FOXK1: variants seen among roughly 807,000 people sequenced by gnomAD.
FOXK1 encodes the protein forkhead box K1.
A neutral mutation model predicts 51.9 loss-of-function variants in FOXK1; 19 were observed. The ratio of observed to expected loss-of-function variants is 0.37; its 90% CI spans 0.26 to 0.54. The LOEUF (loss-of-function observed/expected upper bound fraction) is 0.54, where lower values mean the gene tolerates loss of function less well. Among genes scored for constraint, FOXK1 ranks in the 20% least tolerant of loss-of-function variants. The probability of loss-of-function intolerance (pLI) is 0.87; values close to 1 mark genes in which losing one functional copy is unlikely to be tolerated. For missense variants in FOXK1, 870 were observed against 1,032.7 expected (o/e 0.84, Z 2.16); for synonymous variants, 537 against 482.6 (o/e 1.11, Z -1.48).
rs761042683 is a variant in FOXK1, at chr7:4,709,184, G to A, written c.560+26316G>A. Among the ~76,000 whole-genome samples the A allele has an allele frequency of 2.2e-4, 34 of 152,166 alleles. No individual in the cohort carries two copies. The highest frequency in any genetic ancestry group is 6.2e-4 in the South Asian group (3 of 4,808). On this transcript the variant is annotated intron_variant, in intron 1 of 8. Transcript: ENST00000328914. This position sits in a 1 kb window ranked among gnomAD's most constrained non-coding sequence, Gnocchi z 5.6. ...CTGTTGCTGTGCACACTGGGGGCCCGAGGCCCCAGGATACCCCCGTGCCTT... is the reference window on the plus strand; with the variant it reads ...CTGTTGCTGTGCACACTGGGGGCCCAAGGCCCCAGGATACCCCCGTGCCTT...
In FOXK1 at chr7:4,729,915, G is replaced by A. The variant is rs554741787; in HGVS notation, c.561-10923G>A. Among the ~76,000 whole-genome samples the A allele has an allele frequency of 2.0e-5, 3 of 152,208 alleles. No homozygotes were observed. Among genetic ancestry groups the A allele is most frequent in the African/African-American group, 4.8e-5 (2 of 41,528 alleles). On this transcript the variant is annotated intron_variant, in intron 1 of 8. Transcript: ENST00000328914. This position sits in a 1 kb window ranked among gnomAD's most constrained non-coding sequence, Gnocchi z 6.2. ...TGAGGCAGGAGAATCGCTTGAACCC[G>A]GAAGGTGGAGTTTGCAGTGAGCTGA...
rs967330424 is a variant in FOXK1, at chr7:4,683,565, C to T, written c.560+697C>T. Among the ~76,000 whole-genome samples, 2 of 151,814 alleles carry T rather than the reference C, an allele frequency of 1.3e-5. No homozygotes were observed. Among genetic ancestry groups the T allele is most frequent in the African/African-American group, 2.4e-5 (1 of 41,308 alleles). On this transcript the variant is annotated intron_variant, in intron 1 of 8. Coordinates refer to ENST00000328914, the MANE Select transcript of FOXK1 (RefSeq NM_001037165.2). This position sits in a 1 kb window ranked among gnomAD's most constrained non-coding sequence, Gnocchi z 4.5. ...GCCTGGGCCTGGGGATCACCCTCAA[C>T]CCTTCCAGGTCACCCTGGACCCCCA...
chr7:4,754,061 C>G (rs925407085), intron 2 of FOXK1, among the ~76,000 whole-genome samples: 2 of 152,208 alleles, frequency 1.3e-5, no homozygotes, highest in African/African-American at 2.4e-5. Context: ...TCCCACAGCG[C>G]CGCCTTGTGG....
At position 4,703,564 on chromosome 7, in the gene FOXK1, A is replaced by G. The variant is rs1274805167; in HGVS notation, c.560+20696A>G. ...TTGAAGGTGCCCAGGAGACTTGGGT[A>G]CATTTTGCTCATCTTAGGGTTGGGG... On this transcript the variant is annotated intron_variant, in intron 1 of 8. Transcript: ENST00000328914. The surrounding 1 kb of genome is among the most constrained non-coding windows in gnomAD (Gnocchi z 5.6). Among the ~76,000 whole-genome samples the G allele has an allele frequency of 2.6e-5, 4 of 152,218 alleles. No individual in the cohort carries two copies. The South Asian group carries it at 6.2e-4, about 24-fold the overall frequency.
chr7:4,699,044 G>C (rs1779986874), intron 1 of FOXK1, among the ~76,000 whole-genome samples: 1 of 152,222 alleles, frequency 6.6e-6, no homozygotes, highest in African/African-American at 2.4e-5. Flanking sequence ...TTTGTCGCTT[G>C]CTGGGGCTCC....
rs1780855317 is a variant in FOXK1 at position 4,756,567 on chromosome 7, G to A, written c.1051-427G>A. 6.6e-6 allele frequency among the ~76,000 whole-genome samples: 1 copy of A among 151,682 alleles called. No individual in the cohort carries two copies. The highest frequency in any genetic ancestry group is 2.4e-5 in the African/African-American group (1 of 41,314). ...TTGGGAGGCCGAGGTGGAAGGATTG[G>A]TTAAGCCCAAGAGTGTGAGACCCCA... On this transcript the variant is annotated intron_variant, in intron 4 of 8. Transcript: ENST00000328914. This position sits in a 1 kb window ranked among gnomAD's most constrained non-coding sequence, Gnocchi z 4.1.
In FOXK1 at chr7:4,715,451, T is replaced by C. The variant is rs1435461652; in HGVS notation, c.561-25387T>C. 2.6e-5 allele frequency among the ~76,000 whole-genome samples: 4 copies of C among 152,068 alleles called. No homozygotes were observed. Among genetic ancestry groups the C allele is most frequent in the Non-Finnish European group, 5.9e-5 (4 of 67,982 alleles). ...CATCCTTGCCCTGCCTCCCTCCTTC[T>C]AGGGGGTTGGCTGGAACTCGGGCCC... On this transcript the variant is annotated intron_variant, in intron 1 of 8. Transcript: ENST00000328914. This position sits in a 1 kb window ranked among gnomAD's most constrained non-coding sequence, Gnocchi z 4.5.
At chr7:4,701,353 TAAG>T (rs1562371111) in intron 1 of FOXK1, among the ~76,000 whole-genome samples, 2 of 152,160 alleles carry the variant, frequency 1.3e-5, no homozygotes, top group Admixed American at 6.6e-5. Context: ...GACACTGAGA[TAAG>T]AAGGTTTGAT....
rs1028681583 is a variant in FOXK1 at position 4,748,548 on chromosome 7, A to G, written c.747-5911A>G. On this transcript the variant is annotated intron_variant, in intron 2 of 8. Coordinates refer to ENST00000328914, the MANE Select transcript of FOXK1 (RefSeq NM_001037165.2). This position sits in a 1 kb window ranked among gnomAD's most constrained non-coding sequence, Gnocchi z 4.9. Reference sequence around the variant, plus strand: ...GCCTTCCTCTGGGGCCCCTCTGACCATGGGATCATCTTCTCCACCATCCTG... The same window carrying G: ...GCCTTCCTCTGGGGCCCCTCTGACCGTGGGATCATCTTCTCCACCATCCTG... Among the ~76,000 whole-genome samples the G allele has an allele frequency of 2.0e-5, 3 of 151,952 alleles. No individual in the cohort carries two copies. The highest frequency in any genetic ancestry group is 7.3e-5 in the African/African-American group (3 of 41,352).
intron 1 of FOXK1, among the ~76,000 whole-genome samples, chr7:4,706,366 TTAG>T (rs60744172): frequency 0.03 from 4,619 of 152,152 alleles, 221 homozygotes; most frequent in African/African-American, 0.11. Flanking sequence ...GCACCCTAAG[TTAG>T]GAGTTTATAT....
At chr7:4,694,068 T>A (rs1313516040) in intron 1 of FOXK1, among the ~76,000 whole-genome samples, 2 of 151,182 alleles carry the variant, frequency 1.3e-5, no homozygotes, top group East Asian at 3.9e-4. Context: ...TTATTTTTTA[T>A]AGAGACCAGT....
At position 4,709,199 on chromosome 7, in the gene FOXK1, C is replaced by T. The variant is rs74497319; in HGVS notation, c.560+26331C>T. 0.013 allele frequency among the ~76,000 whole-genome samples: 1,990 copies of T among 152,272 alleles called. 57 individuals are homozygous for T. Among genetic ancestry groups the T allele is most frequent in the African/African-American group, 0.046 (1,906 of 41,550 alleles). On this transcript the variant is annotated intron_variant, in intron 1 of 8. Coordinates refer to ENST00000328914, the MANE Select transcript of FOXK1 (RefSeq NM_001037165.2). This position sits in a 1 kb window ranked among gnomAD's most constrained non-coding sequence, Gnocchi z 5.6. ...CTGGGGGCCCGAGGCCCCAGGATAC[C>T]CCCGTGCCTTACCCACGCTATTTGC...
Position 4,762,207 on chromosome 7 carries a change from C to T in FOXK1, c.1945C>T (p.Leu649Phe). ...AYALTSPLQL[L>F]ATQASSSAPV... is the part of the protein sequence containing the mutation. ...AGCCCTCACCAGCCCTTTGCAGCTC[C>T]TTGCGACCCAAGCGAGTTCATCCGC... Residue 649 changes from leucine (L) to phenylalanine (F), a missense_variant, in exon 9 of 9, where the codon CTT becomes TTT. Transcript: ENST00000328914. The surrounding 1 kb of genome is among the most constrained non-coding windows in gnomAD (Gnocchi z 5.7). The T allele has an allele frequency of 6.4e-7, 1 of 1,554,784 alleles. No homozygotes were observed. The highest frequency in any genetic ancestry group is 1.4e-5 in the African/African-American group (1 of 73,162).
chr7:4,752,977 A>G (rs1780798506), intron 2 of FOXK1, among the ~76,000 whole-genome samples: 1 of 152,236 alleles, frequency 6.6e-6, no homozygotes, highest in South Asian at 2.1e-4. Context: ...CTAAATTCAG[A>G]AAAGGTTTCC....
At position 4,735,525 on chromosome 7, in the gene FOXK1, C is replaced by G. The variant is rs766561599; in HGVS notation, c.561-5313C>G. 3.9e-5 allele frequency among the ~76,000 whole-genome samples: 6 copies of G among 152,148 alleles called. No homozygotes were observed. Among genetic ancestry groups the G allele is most frequent in the Non-Finnish European group, 8.8e-5 (6 of 68,030 alleles). ...TCTCCGTCCCCCCTGCCTGTCCCAC[C>G]CGTCACTCCAGCCCTAGGCAACCAC... On this transcript the variant is annotated intron_variant, in intron 1 of 8. Transcript: ENST00000328914. The surrounding 1 kb of genome is among the most constrained non-coding windows in gnomAD (Gnocchi z 4.7).
chr7:4,754,650 G>A (rs933611845), intron 3 of FOXK1, 35 bp downstream of exon 3: 10 of 1,590,748 alleles, frequency 6.3e-6, no homozygotes, highest in Non-Finnish European at 8.5e-6. Flanking sequence ...TGCACCTGGT[G>A]ACCCAGGATC....
intron 1 of FOXK1, among the ~76,000 whole-genome samples, chr7:4,695,249 C>A (rs1779937715): frequency 1.3e-5 from 2 of 152,210 alleles, no homozygotes; most frequent in Non-Finnish European, 2.9e-5. Context: ...GGGTTGGAGT[C>A]CATATTAACC....
In FOXK1 at chr7:4,717,315, CGGGAGGTGCGTGACTG is replaced by C. The variant is rs1400271755; in HGVS notation, c.561-23514_561-23499del. ...GAGGCGTGTGGATGGAAGGTGGTGGCGGGAGGTGCGTGACTGGGGAGGTGTGTGGCTGGGAGGCATG... is the reference window on the plus strand; with the variant it reads ...GAGGCGTGTGGATGGAAGGTGGTGGCGGGAGGTGTGTGGCTGGGAGGCATG... On this transcript the variant is annotated intron_variant, in intron 1 of 8. Coordinates refer to ENST00000328914, the MANE Select transcript of FOXK1 (RefSeq NM_001037165.2). Among the ~76,000 whole-genome samples the C allele has an allele frequency of 4.9e-5, 3 of 60,958 alleles. No homozygotes were observed. In the East Asian group the frequency reaches 1.6e-3, roughly 33 times the overall value. 40.0% of individuals were successfully genotyped at this position (60,958 alleles called of 152,430 possible).
In FOXK1 at chr7:4,703,809, A is replaced by G. The variant is rs145335604; in HGVS notation, c.560+20941A>G. 4.6e-5 allele frequency among the ~76,000 whole-genome samples: 7 copies of G among 152,254 alleles called. No individual in the cohort carries two copies. The East Asian group carries it at 1.4e-3, about 29-fold the overall frequency. On this transcript the variant is annotated intron_variant, in intron 1 of 8. Transcript: ENST00000328914. This position sits in a 1 kb window ranked among gnomAD's most constrained non-coding sequence, Gnocchi z 5.6. ...GAAAAGGGAATCGCAGCCTGCCGAG[A>G]GCTTTAGAGAGACTCCCCTAACCAT...
Sources: gnomAD v4.1 joint callset for allele counts (sites outside exome capture counted in the v4.1 genomes callset) on GRCh38, gnomAD v4.1.1 for gene constraint, Gnocchi (gnomAD v3.1) non-coding constraint, MANE v1.5 for transcripts, NCBI Gene and HGNC (gene_info 2026-07-23, HGNC 2026-07-21) for gene names.